The following SLC25A45 variants were observed in gnomAD, a reference collection of about 807,000 sequenced individuals.
SLC25A45 encodes the protein methylated amino-acid transporter SLC25A45.
In SLC25A45, 22 loss-of-function variants were observed where a neutral mutation model predicts 23.0. The observed-to-expected ratio is 0.95, with a 90% CI of 0.68 to 1.36. The LOEUF (loss-of-function observed/expected upper bound fraction) is 1.36. SLC25A45 is among the 40% of genes most tolerant of loss of function. The pLI, the probability that SLC25A45 is intolerant of heterozygous loss-of-function variation, is 0.00. For missense variants in SLC25A45, 355 were observed against 383.5 expected (o/e 0.93, Z 0.62); for synonymous variants, 136 against 155.0 (o/e 0.88, Z 0.91).
rs371988442 is a variant in SLC25A45, at chr11:65,379,125, G to A, written c.339+251C>T. ...GGGGGCAAGCCCCGTCAGCTGGAGCGAGTGGCCCAGGCTGCTTCTCCCAGC... is the reference window on the plus strand; with the variant it reads ...GGGGGCAAGCCCCGTCAGCTGGAGCAAGTGGCCCAGGCTGCTTCTCCCAGC... On this transcript the variant is annotated intron_variant, in intron 5 of 6. Coordinates refer to ENST00000398802, the MANE Select transcript of SLC25A45 (RefSeq NM_182556.4). The A allele has an allele frequency of 1.3e-3, 634 of 502,230 alleles. 15 individuals carry two copies. The South Asian group carries it at 0.015, about 12-fold the overall frequency. 31.1% of individuals were successfully genotyped at this position (502,230 alleles called of 1,614,324 possible).
rs1299844480 is a variant in SLC25A45, at chr11:65,382,113, G to C, written c.-18-144C>G. The C allele has an allele frequency of 3.0e-6, 2 of 674,626 alleles. No individual in the cohort carries two copies. Among genetic ancestry groups the C allele is most frequent in the African/African-American group, 1.8e-5 (1 of 56,668 alleles). The allele number at this position is 674,626 out of a possible 1,614,324, so 41.8% of individuals were successfully genotyped here. ...CAGACCTCCGGCAACTGGCAGAGGA[G>C]AGCGAGCCAGTTCCGGTGACCCTGG... On this transcript the variant is annotated intron_variant, in intron 1 of 6. Transcript: ENST00000398802. The surrounding 1 kb of genome is among the most constrained non-coding windows in gnomAD (Gnocchi z 4.4).
At chr11:65,379,018 G>A in intron 5 of SLC25A45, 1 of 291,198 alleles carries the variant, frequency 3.4e-6, no homozygotes, top group Non-Finnish European at 6.6e-6. Context: ...AGCTCTGCGG[G>A]GTGCTGGTGG....
chr11:65,381,616 G>A, intron 2 of SLC25A45: 1 of 215,062 alleles, frequency 4.6e-6, no homozygotes, highest in Non-Finnish European at 8.6e-6. Flanking sequence ...CACCCAGGCT[G>A]GAGTGCAGTG....
intron 2 of SLC25A45, chr11:65,380,389 G>A: frequency 4.3e-6 from 4 of 922,958 alleles, no homozygotes; most frequent in Non-Finnish European, 6.5e-6. Context: ...TGGGACAAGG[G>A]ACTAAGACCC....
Position 65,381,948 on chromosome 11 carries a change from G to T in SLC25A45, c.4C>A (p.Pro2Thr). The change falls in exon 2 of 7, where the codon CCG becomes ACG. Residue 2 changes from proline to threonine, a missense_variant. Physicochemically the swap from Pro to Thr is conservative, Grantham distance 38 (BLOSUM62 -1). Coordinates refer to ENST00000398802, the MANE Select transcript of SLC25A45 (RefSeq NM_182556.4). ...CAGCCAGCCACAAATTCCTCCACCG[G>T]CATTGTCTGGGCTTGCGGGAACTGG... MPVEEFVAGWIS... is the reference protein window; with the variant it reads MTVEEFVAGWIS... The T allele has an allele frequency of 6.2e-7, 1 of 1,614,010 alleles. No homozygotes were observed. The highest frequency in any genetic ancestry group is 8.5e-7 in the Non-Finnish European group (1 of 1,179,938).
chr11:65,381,621 G>A (rs993156589), intron 2 of SLC25A45: 12 of 254,158 alleles, frequency 4.7e-5, no homozygotes, highest in Non-Finnish European at 7.4e-5. Flanking sequence ...AGGCTGGAGT[G>A]CAGTGGTGCA....
rs372017603 is a variant in SLC25A45, at chr11:65,376,399, C to T, written c.*8G>A. 2.6e-5 allele frequency: 42 copies of T among 1,610,954 alleles called. No individual in the cohort carries two copies. In the African/African-American group the frequency reaches 3.2e-4, roughly 12 times the overall value. On this transcript the variant is annotated 3_prime_UTR_variant, in exon 7 of 7. Transcript: ENST00000398802. ...CCTGATGGGGAGCTGCTGGCATTGCCGCAGGGCTCATCCCCACCAGCGGAG... is the reference window on the plus strand; with the variant it reads ...CCTGATGGGGAGCTGCTGGCATTGCTGCAGGGCTCATCCCCACCAGCGGAG...
Position 65,380,503 on chromosome 11 carries a change from G to A in SLC25A45, c.38-328C>T, listed in dbSNP as rs780013341. The A allele has an allele frequency of 3.8e-5, 53 of 1,382,250 alleles. No individual in the cohort carries two copies. The South Asian group carries it at 5.8e-4, about 15-fold the overall frequency. 85.6% of individuals were successfully genotyped at this position (1,382,250 alleles called of 1,614,324 possible). A position where few individuals can be genotyped will look rare whatever the true frequency, so the allele number is the denominator to read the frequency against. ...GGGTATCCCACCGCCTATGAGCCGC[G>A]GGACTCTGGGAGAATCACCCAGGTT... is the stretch of plus-strand genomic sequence containing the variant. On this transcript the variant is annotated intron_variant, in intron 2 of 6. Coordinates refer to ENST00000398802, the MANE Select transcript of SLC25A45 (RefSeq NM_182556.4).
In SLC25A45 at chr11:65,382,353, A is replaced by C; in HGVS notation, c.-19+133T>G. 1 of 233,558 alleles carries C rather than the reference A, an allele frequency of 4.3e-6. No individual in the cohort carries two copies. The allele number at this position is 233,558 out of a possible 1,614,324, so 14.5% of individuals were successfully genotyped here. On this transcript the variant is annotated intron_variant, in intron 1 of 6. Coordinates refer to ENST00000398802, the MANE Select transcript of SLC25A45 (RefSeq NM_182556.4). The surrounding 1 kb of genome is among the most constrained non-coding windows in gnomAD (Gnocchi z 4.4). ...AGCTCCACTCCCATTCATCTCCACC[A>C]AGGGGCATGGCCGCCCCCATGCCAC...
At chr11:65,379,626 C>T (rs990096132) in intron 4 of SLC25A45, 65 bp from the exon 5 acceptor site, 173 of 1,494,584 alleles carry the variant, frequency 1.2e-4, no homozygotes, top group Non-Finnish European at 1.5e-4. Flanking sequence ...CTCTCCACCC[C>T]TGGCAAGGCA....
At chr11:65,380,633 C>G (rs1320836152) in intron 2 of SLC25A45, 27 of 1,290,408 alleles carry the variant, frequency 2.1e-5, no homozygotes, top group Non-Finnish European at 2.5e-5. Context: ...CTGCAGGGCC[C>G]TGATGGGGGT....
chr11:65,381,863 G>A, intron 2 of SLC25A45, 52 bp downstream of exon 2: 2 of 1,612,004 alleles, frequency 1.2e-6, no homozygotes, highest in Middle Eastern at 1.7e-4. Flanking sequence ...TCTTCCCGAG[G>A]AAGTGACCTA....
intron 2 of SLC25A45, 110 bp downstream of exon 2, chr11:65,381,805 G>T: frequency 2.9e-6 from 4 of 1,387,400 alleles, no homozygotes; most frequent in Non-Finnish European, 4.1e-6. Flanking sequence ...TGATCCTCCC[G>T]CCAGGCCGGA....
At chr11:65,380,203 G>A (rs1170192732) in intron 2 of SLC25A45, 28 bp from the exon 3 acceptor site, 1 of 1,613,950 alleles carries the variant, frequency 6.2e-7, no homozygotes, top group Non-Finnish European at 8.5e-7. Context: ...TGCTATGAGT[G>A]AGGGCCCTCG....
chr11:65,381,233 G>A (rs1329669179), intron 2 of SLC25A45: 1 of 152,630 alleles, frequency 6.6e-6, no homozygotes, highest in Non-Finnish European at 1.5e-5. Flanking sequence ...TGAGCTTAAG[G>A]GCTCCTTCCA....
At chr11:65,378,742 G>T (rs909741805) in intron 5 of SLC25A45, 1 of 152,398 alleles carries the variant, frequency 6.6e-6, no homozygotes, top group African/African-American at 2.4e-5. Context: ...GGTGCCGGGC[G>T]CACCCTCTCC....
chr11:65,382,990 C>G (rs1855647100), upstream of SLC25A45: 1 of 152,310 alleles, frequency 6.6e-6, no homozygotes, highest in Admixed American at 6.5e-5. This position sits in a 1 kb window ranked among gnomAD's most constrained non-coding sequence, Gnocchi z 4.4. Context: ...ACAGGGATCT[C>G]TGGGTGTTCT....
rs770801975 is a variant in SLC25A45, at chr11:65,376,530, G to C, written c.744C>G (p.Ser248Arg). 6.2e-7 allele frequency: 1 copy of C among 1,614,058 alleles called. No homozygotes were observed. Among genetic ancestry groups the C allele is most frequent in the Non-Finnish European group, 8.5e-7 (1 of 1,180,046 alleles). ...VYQGMLDCMV[S>R]SIRQEGLGVF... ...CTCCCAGTCCTTCCTGCCGGATGCT[G>C]CTCACCATGCAGTCCAGCATCCCCT... Residue 248 changes from serine to arginine, a missense_variant, in exon 7 of 7, where the codon AGC becomes AGG. Physicochemically the swap from Ser to Arg is moderately radical, Grantham distance 110 (BLOSUM62 -1). Transcript: ENST00000398802.
chr11:65,381,156 G>A (rs527365931), intron 2 of SLC25A45: 8 of 153,114 alleles, frequency 5.2e-5, no homozygotes, highest in African/African-American at 1.9e-4. Context: ...TTGACACAGG[G>A]TCTTGCTGGT....
Sources: gnomAD v4.1 joint callset for allele counts on GRCh38, gnomAD v4.1.1 for gene constraint, Gnocchi (gnomAD v3.1) non-coding constraint, MANE v1.5 for transcripts, NCBI Gene and HGNC (gene_info 2026-07-23, HGNC 2026-07-21) for gene names.